FOXP1: variants seen among roughly 807,000 people sequenced by gnomAD.
The protein encoded by FOXP1 is forkhead box P1.
Under a neutral mutation model 98.2 loss-of-function variants are expected in FOXP1, and 15 were observed. The ratio of observed to expected loss-of-function variants is 0.15; its 90% CI spans 0.10 to 0.24. FOXP1 has a LOEUF of 0.24. Ranked by LOEUF, FOXP1 falls within the 10% of genes least tolerant of loss-of-function variation. The probability of loss-of-function intolerance (pLI) is 1.00; values close to 1 mark genes in which losing one functional copy is unlikely to be tolerated. For synonymous variants in FOXP1, 371 were observed against 314.5 expected, an observed-to-expected ratio of 1.18 and a Z score of -1.90; for missense variants, 633 against 848.5, an observed-to-expected ratio of 0.75 and a Z score of 3.15.
chr3:71,107,852 A>T (rs887428011), intron 7 of FOXP1, among the ~76,000 whole-genome samples: 4 of 152,218 alleles, frequency 2.6e-5, no homozygotes, highest in Admixed American at 2.6e-4. Flanking sequence ...AGCATGTTTT[A>T]TATAACTGCA....
At chr3:71,037,750 G>A (rs535782554) in intron 11 of FOXP1, among the ~76,000 whole-genome samples, 60 of 152,304 alleles carry the variant, frequency 3.9e-4, no homozygotes, top group African/African-American at 1.3e-3. Context: ...TAATGATGCT[G>A]AATGTCCATG....
chr3:71,396,593 G>A lies in FOXP1; in HGVS notation c.-167-37349C>T, dbSNP rs143704613. Among the ~76,000 whole-genome samples the A allele has an allele frequency of 4.2e-3, 639 of 152,016 alleles. 5 individuals carry two copies. The highest frequency in any genetic ancestry group is 6.9e-3 in the South Asian group (33 of 4,814). ...AAGGAGCCATGGTCAGCTAAGATCA[G>A]GCCTAAAGCAACCTACCTTCAAGTA... On this transcript the variant is annotated intron_variant, in intron 3 of 20. Coordinates refer to ENST00000649528, the MANE Select transcript of FOXP1 (RefSeq NM_001349338.3).
chr3:71,271,768 A>C (rs573146788), intron 5 of FOXP1, among the ~76,000 whole-genome samples: 3 of 152,312 alleles, frequency 2.0e-5, no homozygotes, highest in Admixed American at 2.0e-4. Flanking sequence ...AATAGAAAGG[A>C]GACAAAGAGG....
intron 3 of FOXP1, among the ~76,000 whole-genome samples, chr3:71,404,459 T>C (rs1026151995): frequency 1.3e-5 from 2 of 152,102 alleles, no homozygotes; most frequent in Admixed American, 1.3e-4. Flanking sequence ...AACAAGACTT[T>C]ATTGTTACTT....
chr3:71,498,813 A>C (rs1208270519), intron 2 of FOXP1, among the ~76,000 whole-genome samples: 1 of 152,186 alleles, frequency 6.6e-6, no homozygotes, highest in Non-Finnish European at 1.5e-5. Context: ...TGCATTCCAT[A>C]GGTCCAAGAC....
At chr3:71,251,475 C>T (rs948662707) in intron 5 of FOXP1, among the ~76,000 whole-genome samples, 3 of 152,138 alleles carry the variant, frequency 2.0e-5, no homozygotes, top group Admixed American at 6.5e-5. Flanking sequence ...AGCCATACAA[C>T]GTTATAAATA....
At chr3:71,340,718 A>T (rs993345901) in intron 4 of FOXP1, among the ~76,000 whole-genome samples, 3 of 152,142 alleles carry the variant, frequency 2.0e-5, no homozygotes, top group Admixed American at 2.0e-4. Context: ...CCAGCTGCCC[A>T]CAATAAAAAA....
At chr3:71,530,522 C>A (rs1026924784) in intron 2 of FOXP1, among the ~76,000 whole-genome samples, 1 of 152,190 alleles carries the variant, frequency 6.6e-6, no homozygotes, top group Non-Finnish European at 1.5e-5. Context: ...ACCCCCTACA[C>A]ATTGTGGTGA....
chr3:71,316,653 G>T (rs2075092133), intron 4 of FOXP1, among the ~76,000 whole-genome samples: 1 of 151,690 alleles, frequency 6.6e-6, no homozygotes, highest in Non-Finnish European at 1.5e-5. Flanking sequence ...TCTTCTTAGG[G>T]CATATTCTTT....
At chr3:71,434,526 T>G (rs1420548549) in intron 3 of FOXP1, among the ~76,000 whole-genome samples, 2 of 152,006 alleles carry the variant, frequency 1.3e-5, no homozygotes, top group Non-Finnish European at 2.9e-5. Flanking sequence ...CTTGTGCAAA[T>G]TAAAGAAATG....
Position 71,406,633 on chromosome 3 carries a change from G to A in FOXP1, c.-167-47389C>T, listed in dbSNP as rs1276126349. 2.0e-5 allele frequency among the ~76,000 whole-genome samples: 3 copies of A among 151,716 alleles called. No individual in the cohort carries two copies. The East Asian group carries it at 5.8e-4, about 29-fold the overall frequency. ...CTCCAAGATAACCTCCCCTTCTCAA[G>A]GGGGCAGGTGATCAACAACCTTAAT... On this transcript the variant is annotated intron_variant, in intron 3 of 20. Coordinates refer to ENST00000649528, the MANE Select transcript of FOXP1 (RefSeq NM_001349338.3).
chr3:71,368,746 T>C (rs1244272104), intron 3 of FOXP1, among the ~76,000 whole-genome samples: 4 of 152,178 alleles, frequency 2.6e-5, no homozygotes, highest in Non-Finnish European at 5.9e-5. Flanking sequence ...TTCTGCTCAA[T>C]GGGATGTCAG....
In FOXP1 at chr3:71,013,643, G is replaced by A. The variant is rs563771127; in HGVS notation, c.974+1906C>T. Among the ~76,000 whole-genome samples the A allele has an allele frequency of 2.6e-3, 391 of 151,984 alleles. 4 individuals are homozygous for A. Among genetic ancestry groups the A allele is most frequent in the Non-Finnish European group, 4.4e-4 (30 of 67,958 alleles). On this transcript the variant is annotated intron_variant, in intron 12 of 20. Transcript: ENST00000649528. Reference sequence around the variant, plus strand: ...ATGACTTTCTTCACAGAATTGGAAAGAACTACTTTAAAGTTCATATGGAAC... The same window carrying A: ...ATGACTTTCTTCACAGAATTGGAAAAAACTACTTTAAAGTTCATATGGAAC...
intron 3 of FOXP1, among the ~76,000 whole-genome samples, chr3:71,365,279 G>A (rs1391269637): frequency 6.6e-6 from 1 of 152,100 alleles, no homozygotes; most frequent in Non-Finnish European, 1.5e-5. Context: ...GCCTTAATTT[G>A]CCAAAGGGTT....
chr3:71,087,963 G>A (rs1203605141), intron 7 of FOXP1, among the ~76,000 whole-genome samples: 6 of 152,156 alleles, frequency 3.9e-5, no homozygotes, highest in Admixed American at 3.3e-4. Context: ...ACTAGGCCAC[G>A]GCATAATGTA....
chr3:71,373,517 A>G (rs1042731560), intron 3 of FOXP1, among the ~76,000 whole-genome samples: 3 of 152,234 alleles, frequency 2.0e-5, no homozygotes, highest in Non-Finnish European at 4.4e-5. Flanking sequence ...ATGAATATTC[A>G]AAGTATACTA....
Position 70,957,322 on chromosome 3 carries a change from T to C in FOXP1, c.*1925A>G, listed in dbSNP as rs2032066145. The C allele has an allele frequency of 4.4e-6, 1 of 227,888 alleles. No individual in the cohort carries two copies. The highest frequency in any genetic ancestry group is 8.7e-6 in the Non-Finnish European group (1 of 114,628). 14.1% of individuals were successfully genotyped at this position (227,888 alleles called of 1,614,324 possible). A position where few individuals can be genotyped will look rare whatever the true frequency, so the allele number is the denominator to read the frequency against. ...TAACTACTAGAAAAAAGTAACAACT[T>C]TGGTTCCATTATCTACTTGGTCTTC... On this transcript the variant is annotated 3_prime_UTR_variant, in exon 21 of 21. Coordinates refer to ENST00000649528, the MANE Select transcript of FOXP1 (RefSeq NM_001349338.3).
chr3:71,013,299 C>T (rs1348596534), intron 12 of FOXP1, among the ~76,000 whole-genome samples: 1 of 152,184 alleles, frequency 6.6e-6, no homozygotes, highest in African/African-American at 2.4e-5. Flanking sequence ...CTGCTTTCTA[C>T]ATTTATAAAG....
intron 2 of FOXP1, among the ~76,000 whole-genome samples, chr3:71,506,343 G>A (rs1277573705): frequency 1.3e-5 from 2 of 152,016 alleles, no homozygotes; most frequent in Non-Finnish European, 2.9e-5. Context: ...AGATTAAGTG[G>A]GATAATGCAT....
Sources: allele counts gnomAD v4.1 joint callset (sites outside exome capture counted in the v4.1 genomes callset), GRCh38; gene constraint gnomAD v4.1.1; transcripts MANE v1.5; gene names NCBI Gene and HGNC (gene_info 2026-07-23, HGNC 2026-07-21).